Variants in CADPS observed in about 807,000 individuals in gnomAD.
CADPS encodes calcium dependent secretion activator, also known as calcium-dependent secretion activator 1.
In CADPS, 57 loss-of-function variants were observed where a neutral mutation model predicts 167.3. The ratio of observed to expected loss-of-function variants is 0.34; its 90% CI spans 0.28 to 0.42. The LOEUF (loss-of-function observed/expected upper bound fraction) is 0.42. Ranked by LOEUF, CADPS falls within the 20% of genes least tolerant of loss-of-function variation. CADPS has a pLI of 1.00. For missense variants in CADPS, 1,414 were observed against 1,738.1 expected (o/e 0.81, Z 3.32); for synonymous variants, 676 against 635.3 (o/e 1.06, Z -0.96).
chr3:62,622,452 C>G lies in CADPS; in HGVS notation c.1325+23270G>C, dbSNP rs1416804283. On this transcript the variant is annotated intron_variant, in intron 6 of 29. Transcript: ENST00000383710. Reference sequence around the variant, plus strand: ...ATCAGGCCCATATGCATACACACATCTGATTTATTTTCCAGACATGGCAAT... The same window carrying G: ...ATCAGGCCCATATGCATACACACATGTGATTTATTTTCCAGACATGGCAAT... Among the ~76,000 whole-genome samples, 5 of 152,134 alleles carry G rather than the reference C, an allele frequency of 3.3e-5. No individual in the cohort carries two copies. The East Asian group carries it at 5.8e-4, about 18-fold the overall frequency.
intron 2 of CADPS, among the ~76,000 whole-genome samples, chr3:62,759,956 A>C (rs1242614555): frequency 6.6e-6 from 1 of 152,140 alleles, no homozygotes; most frequent in Non-Finnish European, 1.5e-5. Context: ...TCTTCACCAA[A>C]AAGTAAAGGA....
intron 6 of CADPS, among the ~76,000 whole-genome samples, chr3:62,624,678 G>A (rs1416651193): frequency 2.0e-5 from 3 of 152,146 alleles, no homozygotes; most frequent in South Asian, 4.1e-4. Flanking sequence ...GTACTTTCAA[G>A]TTTCTTCTCC....
At chr3:62,661,789 C>T (rs1425050752) in intron 4 of CADPS, among the ~76,000 whole-genome samples, 1 of 151,992 alleles carries the variant, frequency 6.6e-6, no homozygotes, top group Non-Finnish European at 1.5e-5. Flanking sequence ...AGTAGTAGGG[C>T]TGGAAAACAG....
chr3:62,854,863 A>C (rs746062035), intron 1 of CADPS, among the ~76,000 whole-genome samples: 1 of 152,126 alleles, frequency 6.6e-6, no homozygotes, highest in Admixed American at 6.6e-5. Context: ...TATATTTCAT[A>C]TATTTTTATT....
intron 6 of CADPS, among the ~76,000 whole-genome samples, chr3:62,604,284 T>A (rs549808080): frequency 6.6e-6 from 1 of 152,324 alleles, no homozygotes; most frequent in African/African-American, 2.4e-5. Flanking sequence ...TCTGCCTGCC[T>A]GTCTCTCCAA....
chr3:62,435,122 G>A (rs897343495), intron 28 of CADPS, among the ~76,000 whole-genome samples: 1 of 152,130 alleles, frequency 6.6e-6, no homozygotes, highest in African/African-American at 2.4e-5. Context: ...CAACGATTTG[G>A]AAGAAAAATC....
At chr3:62,859,519 C>T (rs767615761) in intron 1 of CADPS, among the ~76,000 whole-genome samples, 1 of 152,130 alleles carries the variant, frequency 6.6e-6, no homozygotes, top group Non-Finnish European at 1.5e-5. Context: ...ACTGCTGCTT[C>T]GGGGGGAGAC....
chr3:62,756,037 T>A (rs1424884321), intron 2 of CADPS, among the ~76,000 whole-genome samples: 5 of 151,254 alleles, frequency 3.3e-5, no homozygotes, highest in Non-Finnish European at 5.9e-5. Flanking sequence ...TCTCTGATTC[T>A]CTAATTTCTT....
At chr3:62,456,677 C>T (rs2058714790) in intron 26 of CADPS, among the ~76,000 whole-genome samples, 1 of 151,652 alleles carries the variant, frequency 6.6e-6, no homozygotes, top group Non-Finnish European at 1.5e-5. Context: ...TGGTACATAT[C>T]CTGCACTTGG....
At chr3:62,574,110 A>G (rs2081832677) in intron 8 of CADPS, among the ~76,000 whole-genome samples, 1 of 152,156 alleles carries the variant, frequency 6.6e-6, no homozygotes, top group South Asian at 2.1e-4. Context: ...GCAACTCCCC[A>G]GTCAAGTCAC....
chr3:62,413,475 A>G (rs905405318), intron 28 of CADPS, among the ~76,000 whole-genome samples: 9 of 152,338 alleles, frequency 5.9e-5, no homozygotes, highest in African/African-American at 1.4e-4. Context: ...ACATGCTACA[A>G]TATAGATAAC....
intron 1 of CADPS, among the ~76,000 whole-genome samples, chr3:62,771,501 G>A (rs1009628159): frequency 2.0e-5 from 3 of 152,140 alleles, no homozygotes; most frequent in African/African-American, 7.2e-5. Flanking sequence ...CCCAAAAGGT[G>A]ACCTTGCACG....
intron 1 of CADPS, among the ~76,000 whole-genome samples, chr3:62,841,061 T>A (rs1420748011): frequency 6.6e-6 from 1 of 152,194 alleles, no homozygotes; most frequent in Non-Finnish European, 1.5e-5. Context: ...ATTTACTCCA[T>A]TCCCCATTTC....
chr3:62,628,036 T>G (rs2064454910), intron 6 of CADPS, among the ~76,000 whole-genome samples: 1 of 152,206 alleles, frequency 6.6e-6, no homozygotes, highest in Non-Finnish European at 1.5e-5. Context: ...CTAGCTCTTT[T>G]CTATTGTGGG....
At chr3:62,572,444 C>T (rs1217855989) in intron 8 of CADPS, among the ~76,000 whole-genome samples, 1 of 152,084 alleles carries the variant, frequency 6.6e-6, no homozygotes, top group African/African-American at 2.4e-5. Context: ...GATTTTCATC[C>T]TATTCCTGGA....
intron 1 of CADPS, among the ~76,000 whole-genome samples, chr3:62,845,660 A>G (rs539879865): frequency 1.4e-4 from 22 of 152,110 alleles, no homozygotes; most frequent in African/African-American, 5.3e-4. Context: ...TGTCCCTTAA[A>G]TTTCTTTTAA....
In CADPS at chr3:62,518,265, G is replaced by A. The variant is rs1283709993; in HGVS notation, c.2292-15C>T. 1.3e-6 allele frequency: 2 copies of A among 1,587,546 alleles called. No individual in the cohort carries two copies. The highest frequency in any genetic ancestry group is 3.4e-5 in the Admixed American group (2 of 59,224). On this transcript the variant is annotated splice_polypyrimidine_tract_variant and intron_variant, in intron 13 of 29. Coordinates refer to ENST00000383710, the MANE Select transcript of CADPS (RefSeq NM_003716.4). Reference sequence around the variant, plus strand: ...TTCCATCAGGCCTGAAAGAAGACATGTCATGAAATGACGGGAACCTCATAT... The same window carrying A: ...TTCCATCAGGCCTGAAAGAAGACATATCATGAAATGACGGGAACCTCATAT...
intron 3 of CADPS, among the ~76,000 whole-genome samples, chr3:62,702,772 T>G (rs538569445): frequency 6.6e-6 from 1 of 152,238 alleles, no homozygotes; most frequent in Admixed American, 6.5e-5. Flanking sequence ...GAATTAAACT[T>G]GCATATAATT....
intron 28 of CADPS, among the ~76,000 whole-genome samples, chr3:62,405,461 A>T (rs867500018): frequency 0.011 from 946 of 89,002 alleles, 8 homozygotes; most frequent in African/African-American, 0.023. Context: ...AAAAAAAAAA[A>T]AAATAAAATA....
Sources: allele counts gnomAD v4.1 joint callset (sites outside exome capture counted in the v4.1 genomes callset), GRCh38; gene constraint gnomAD v4.1.1; transcripts MANE v1.5; gene names NCBI Gene and HGNC (gene_info 2026-07-23, HGNC 2026-07-21).